Variants in TMEM233 observed in about 807,000 individuals in gnomAD.
TMEM233 encodes the protein dispanin subfamily B member 2.
In TMEM233, 6 loss-of-function variants were observed where a neutral mutation model predicts 11.2. That is an observed-to-expected ratio of 0.54 (90% CI 0.29 to 1.06). The LOEUF is 1.06. TMEM233 is among the 50% of genes least tolerant of loss of function. The pLI, the probability that TMEM233 is intolerant of heterozygous loss-of-function variation, is 0.08. For missense variants in TMEM233, 127 were observed against 144.7 expected (o/e 0.88, Z 0.63); for synonymous variants, 59 against 55.8 (o/e 1.06, Z -0.26).
intron 1 of TMEM233, among the ~76,000 whole-genome samples, chr12:119,623,970 A>G (rs916780490): frequency 6.6e-6 from 1 of 152,154 alleles, no homozygotes; most frequent in Non-Finnish European, 1.5e-5. Flanking sequence ...CTTGGAATAA[A>G]TTTAACGACG....
chr12:119,630,620 G>A (rs1954859177), intron 2 of TMEM233, among the ~76,000 whole-genome samples: 1 of 152,210 alleles, frequency 6.6e-6, no homozygotes, highest in Non-Finnish European at 1.5e-5. Context: ...GCCAACTTCA[G>A]ATCTAGAACA....
chr12:119,628,165 T>G (rs972566543), intron 1 of TMEM233, among the ~76,000 whole-genome samples: 1 of 147,434 alleles, frequency 6.8e-6, no homozygotes, highest in African/African-American at 2.6e-5. Flanking sequence ...ATTTTTTTTA[T>G]TTTTATTTTT....
chr12:119,644,909 C>G (rs1955131922), downstream of TMEM233, among the ~76,000 whole-genome samples: 1 of 152,122 alleles, frequency 6.6e-6, no homozygotes, highest in African/African-American at 2.4e-5. Flanking sequence ...TTAAGAGAGA[C>G]CCCTGAGAAG....
intron 1 of TMEM233, among the ~76,000 whole-genome samples, chr12:119,601,479 A>C (rs1215798199): frequency 6.6e-6 from 1 of 151,876 alleles, no homozygotes; most frequent in Admixed American, 6.6e-5. Flanking sequence ...ACACGGTGAA[A>C]CCCTGTCTCT....
chr12:119,609,105 C>T (rs1954342406), intron 1 of TMEM233, among the ~76,000 whole-genome samples: 1 of 152,094 alleles, frequency 6.6e-6, no homozygotes, highest in Admixed American at 6.6e-5. Context: ...TGCTGAATGA[C>T]CAAAATGCTG....
At chr12:119,650,157 C>CAAAAAA in the TMEM233 span, among the ~76,000 whole-genome samples, 8 of 129,060 alleles carry the variant, frequency 6.2e-5, no homozygotes, top group Non-Finnish European at 1.3e-4. Context: ...GACTCCATCT[C>CAAAAAA]AAAAAAAAAA....
chr12:119,636,510 G>T (rs1468982275), intron 2 of TMEM233, among the ~76,000 whole-genome samples: 3 of 151,994 alleles, frequency 2.0e-5, no homozygotes, highest in Non-Finnish European at 4.4e-5. Context: ...TGAGACAGGG[G>T]TCTCATTATG....
chr12:119,603,632 CCT>C (rs1277014755), intron 1 of TMEM233, among the ~76,000 whole-genome samples: 1 of 152,092 alleles, frequency 6.6e-6, no homozygotes, highest in East Asian at 1.9e-4. Flanking sequence ...TTGATTGCCT[CCT>C]CTCTTTCACT....
chr12:119,601,133 T>C (rs1447780264), intron 1 of TMEM233, among the ~76,000 whole-genome samples: 1 of 152,002 alleles, frequency 6.6e-6, no homozygotes, highest in African/African-American at 2.4e-5. Flanking sequence ...ATAAGCAATA[T>C]AGAAAAAATT....
chr12:119,603,303 C>T (rs1109857), intron 1 of TMEM233, among the ~76,000 whole-genome samples: 56,394 of 151,804 alleles, frequency 0.37, 11,556 homozygotes, highest in African/African-American at 0.52. Flanking sequence ...AGAAAGAAAT[C>T]CAGATAGAAC....
chr12:119,650,628 TTTGTTGTTGTTGTTG>T, the TMEM233 span, among the ~76,000 whole-genome samples: 1 of 151,338 alleles, frequency 6.6e-6, no homozygotes. Context: ...CTTATTTGAT[TTTGTTGTTGTTGTTG>T]TTGTTGTTGT....
chr12:119,638,462 C>CA (rs1342993159), intron 2 of TMEM233, among the ~76,000 whole-genome samples: 1 of 151,970 alleles, frequency 6.6e-6, no homozygotes, highest in East Asian at 1.9e-4. Context: ...GACCCTGTCT[C>CA]AAAAAATTAA....
At chr12:119,650,112 G>A in the TMEM233 span, among the ~76,000 whole-genome samples, 2 of 149,030 alleles carry the variant, frequency 1.3e-5, no homozygotes, top group South Asian at 4.2e-4. Context: ...GAGCAGAGAT[G>A]GCGCCACTGC....
chr12:119,635,889 A>G (rs2136791514), intron 2 of TMEM233, among the ~76,000 whole-genome samples: 1 of 152,358 alleles, frequency 6.6e-6, no homozygotes, highest in East Asian at 1.9e-4. Flanking sequence ...GAAGAGATGC[A>G]TAGGGCAAGG....
chr12:119,623,553 CAAAAAA>C (rs57936432), intron 1 of TMEM233, among the ~76,000 whole-genome samples: 7 of 135,724 alleles, frequency 5.2e-5, no homozygotes, highest in Non-Finnish European at 1.1e-4. Context: ...ACCAAAAATA[CAAAAAA>C]AAAAAAAAAA....
intron 1 of TMEM233, among the ~76,000 whole-genome samples, chr12:119,629,367 G>A (rs530102503): frequency 6.6e-6 from 1 of 152,146 alleles, no homozygotes; most frequent in Non-Finnish European, 1.5e-5. Context: ...CCAAGGTTGT[G>A]CCACTGCACT....
At chr12:119,649,813 C>T in the TMEM233 span, among the ~76,000 whole-genome samples, 1 of 131,120 alleles carries the variant, frequency 7.6e-6, no homozygotes, top group Non-Finnish European at 1.6e-5. Context: ...TTCTACAATT[C>T]TAAACTTAGC....
chr12:119,611,932 A>C (rs749959113), intron 1 of TMEM233, among the ~76,000 whole-genome samples: 13 of 152,088 alleles, frequency 8.5e-5, no homozygotes, highest in Non-Finnish European at 1.9e-4. Flanking sequence ...TAAGTGAGAT[A>C]GTGTTGGGCC....
At chr12:119,608,606 G>A (rs1954332529) in intron 1 of TMEM233, among the ~76,000 whole-genome samples, 1 of 152,214 alleles carries the variant, frequency 6.6e-6, no homozygotes, top group Admixed American at 6.5e-5. Context: ...GAAGCTGGTT[G>A]GGGTGGCAGT....
Sources: gnomAD v4.1 joint callset for allele counts (sites outside exome capture counted in the v4.1 genomes callset) on GRCh38, gnomAD v4.1.1 for gene constraint, MANE v1.5 for transcripts, NCBI Gene and HGNC (gene_info 2026-07-23, HGNC 2026-07-21) for gene names.